Variants in GALNT18 observed in about 807,000 individuals in gnomAD.
The protein encoded by GALNT18 is polypeptide N-acetylgalactosaminyltransferase 18, also known as GalNAc-transferase 18.
A neutral mutation model predicts 69.5 loss-of-function variants in GALNT18; 44 were observed. That is an observed-to-expected ratio of 0.63 (90% confidence interval 0.50 to 0.81). The LOEUF is 0.81. GALNT18 is among the 40% of genes least tolerant of loss of function. The pLI is 0.00. For synonymous variants in GALNT18, 364 were observed against 318.2 expected (o/e 1.14, Z -1.53); for missense variants, 715 against 810.0 (o/e 0.88, Z 1.42).
In GALNT18 at chr11:11,356,679, G is replaced by T. The variant is rs1850535185; in HGVS notation, c.1093-15675C>A. ...TGACTCCCCAAATCCTTCATCAATT[G>T]TTACCTCGTTTGTGCATGTTATTAA... is the stretch of plus-strand genomic sequence containing the variant. On this transcript the variant is annotated intron_variant, in intron 6 of 10. Transcript: ENST00000227756. This position sits in a 1 kb window ranked among gnomAD's most constrained non-coding sequence, Gnocchi z 4.4. Among the ~76,000 whole-genome samples, 1 of 151,968 alleles carries T rather than the reference G, an allele frequency of 6.6e-6. No individual in the cohort carries two copies. Among genetic ancestry groups the T allele is most frequent in the Non-Finnish European group, 1.5e-5 (1 of 68,000 alleles).
In GALNT18 at chr11:11,573,178, G is replaced by C. The variant is rs541647860; in HGVS notation, c.235+48181C>G. Among the ~76,000 whole-genome samples, 21 of 152,304 alleles carry C rather than the reference G, an allele frequency of 1.4e-4. No individual in the cohort carries two copies. In the South Asian group the frequency reaches 1.9e-3, roughly 14 times the overall value. On this transcript the variant is annotated intron_variant, in intron 1 of 10. Transcript: ENST00000227756. This position sits in a 1 kb window ranked among gnomAD's most constrained non-coding sequence, Gnocchi z 4.6. Reference sequence around the variant, plus strand: ...CTGAACTACAGCGCCCCTCCAGAGAGCATGTTCATGTTCATTATGGTGGGC... The same window carrying C: ...CTGAACTACAGCGCCCCTCCAGAGACCATGTTCATGTTCATTATGGTGGGC...
At chr11:11,558,312 C>T (rs752483712) in intron 1 of GALNT18, among the ~76,000 whole-genome samples, 2 of 152,100 alleles carry the variant, frequency 1.3e-5, no homozygotes, top group African/African-American at 2.4e-5. Context: ...AGAGAAAAGG[C>T]AATACCTTGT....
At chr11:11,533,081 C>T (rs192377051) in intron 1 of GALNT18, among the ~76,000 whole-genome samples, 15 of 152,212 alleles carry the variant, frequency 9.9e-5, no homozygotes, top group Middle Eastern at 3.4e-3. Flanking sequence ...GCCCTGCCCA[C>T]CCCCATCCAT....
chr11:11,388,584 C>T (rs1854107236), intron 3 of GALNT18, among the ~76,000 whole-genome samples: 2 of 112,088 alleles, frequency 1.8e-5, no homozygotes, highest in Admixed American at 1.9e-4. Context: ...TTTCAGGCTA[C>T]CAGCCTGACG....
rs965862807 is a variant in GALNT18 at position 11,469,390 on chromosome 11, G to A, written c.236-20454C>T. 3.3e-5 allele frequency among the ~76,000 whole-genome samples: 5 copies of A among 152,166 alleles called. No homozygotes were observed. The highest frequency in any genetic ancestry group is 1.5e-5 in the Non-Finnish European group (1 of 68,024). The stretch of plus-strand genomic sequence containing the variant: ...ATAGACAGTCCTCGTCAAGTTTGTT[G>A]TTATGGCTATGTCTTTTACAGGGTC... On this transcript the variant is annotated intron_variant, in intron 1 of 10. Transcript: ENST00000227756. The surrounding 1 kb of genome is among the most constrained non-coding windows in gnomAD (Gnocchi z 4.2).
rs1424116791 is a variant in GALNT18, at chr11:11,461,410, T to C, written c.236-12474A>G. Among the ~76,000 whole-genome samples, 1 of 152,200 alleles carries C rather than the reference T, an allele frequency of 6.6e-6. No individual in the cohort carries two copies. The highest frequency in any genetic ancestry group is 2.4e-5 in the African/African-American group (1 of 41,444). On this transcript the variant is annotated intron_variant, in intron 1 of 10. Transcript: ENST00000227756. This position sits in a 1 kb window ranked among gnomAD's most constrained non-coding sequence, Gnocchi z 4.1. ...CCATGCCAACTATATAAAGTACATG[T>C]GAAAAAACTCATTTTAGAGAGTGAC...
At position 11,621,868 on chromosome 11, in the gene GALNT18, G is replaced by A. The variant is rs187865428; in HGVS notation, c.-275C>T. 130 of 361,546 alleles carry A rather than the reference G, an allele frequency of 3.6e-4. 1 individual carries two copies. The highest frequency in any genetic ancestry group is 2.5e-3 in the African/African-American group (121 of 47,898). The allele number at this position is 361,546 out of a possible 1,614,324, so 22.4% of individuals were successfully genotyped here. ...CCTGAACCCTTCCTAGAGGGGTCAC[G>A]GGTAGCCGGCAGCCGCGCGTCCAGA... On this transcript the variant is annotated 5_prime_UTR_variant, in exon 1 of 11. Transcript: ENST00000227756. This position sits in a 1 kb window ranked among gnomAD's most constrained non-coding sequence, Gnocchi z 9.3.
chr11:11,500,769 G>A lies in GALNT18; in HGVS notation c.236-51833C>T, dbSNP rs1484161764. Among the ~76,000 whole-genome samples the A allele has an allele frequency of 2.0e-5, 3 of 152,206 alleles. No homozygotes were observed. The East Asian group carries it at 5.8e-4, about 29-fold the overall frequency. On this transcript the variant is annotated intron_variant, in intron 1 of 10. Coordinates refer to ENST00000227756, the MANE Select transcript of GALNT18 (RefSeq NM_198516.3). The surrounding 1 kb of genome is among the most constrained non-coding windows in gnomAD (Gnocchi z 5.0). ...TGAATTGCCTCAGGTAAGGAGTCAA[G>A]GATCTCCTTTTCATGTATTTTCTGT...
intron 1 of GALNT18, among the ~76,000 whole-genome samples, chr11:11,560,833 G>A (rs1858487551): frequency 6.6e-6 from 1 of 152,186 alleles, no homozygotes; most frequent in South Asian, 2.1e-4. Context: ...CCTTTTTGAG[G>A]AATCGCTCTT....
At chr11:11,400,692 C>A (rs1854441917) in intron 3 of GALNT18, among the ~76,000 whole-genome samples, 1 of 152,142 alleles carries the variant, frequency 6.6e-6, no homozygotes, top group African/African-American at 2.4e-5. Flanking sequence ...CAAAGGAGTT[C>A]TCTAGGATTC....
rs1307380139 is a variant in GALNT18, at chr11:11,596,265, T to A, written c.235+25094A>T. On this transcript the variant is annotated intron_variant, in intron 1 of 10. Coordinates refer to ENST00000227756, the MANE Select transcript of GALNT18 (RefSeq NM_198516.3). This position sits in a 1 kb window ranked among gnomAD's most constrained non-coding sequence, Gnocchi z 4.2. The stretch of plus-strand genomic sequence containing the variant: ...CAGTGTGTCTGTCCTCATGCCTGTA[T>A]CACACTGCCTTAATTACTGTAGCTT... Among the ~76,000 whole-genome samples the A allele has an allele frequency of 3.3e-5, 5 of 152,208 alleles. No individual in the cohort carries two copies. Among genetic ancestry groups the A allele is most frequent in the African/African-American group, 1.2e-4 (5 of 41,450 alleles).
chr11:11,397,454 T>A (rs1382765116), intron 3 of GALNT18, among the ~76,000 whole-genome samples: 1 of 152,146 alleles, frequency 6.6e-6, no homozygotes, highest in African/African-American at 2.4e-5. Flanking sequence ...AATTAGGACC[T>A]GGAGAACTCT....
At chr11:11,324,990 C>T (rs1483256884) in intron 9 of GALNT18, among the ~76,000 whole-genome samples, 2 of 152,206 alleles carry the variant, frequency 1.3e-5, no homozygotes, top group Middle Eastern at 3.2e-3. Flanking sequence ...TTTGATCCAG[C>T]AATCCCACTA....
chr11:11,293,519 G>C (rs1590016033), intron 9 of GALNT18, among the ~76,000 whole-genome samples: 1 of 133,756 alleles, frequency 7.5e-6, no homozygotes. Flanking sequence ...TCTTCACCCA[G>C]TTTACAAACC....
At chr11:11,567,769 A>G (rs368774714) in intron 1 of GALNT18, among the ~76,000 whole-genome samples, 57 of 152,326 alleles carry the variant, frequency 3.7e-4, no homozygotes, top group African/African-American at 1.4e-3. Context: ...TGTCTCCAAG[A>G]CTTAGGATCC....
At chr11:11,443,351 C>G (rs1855574131) in intron 2 of GALNT18, among the ~76,000 whole-genome samples, 1 of 152,216 alleles carries the variant, frequency 6.6e-6, no homozygotes, top group Admixed American at 6.5e-5. Flanking sequence ...GTCGCTTTCT[C>G]ACATCTCCAT....
At chr11:11,366,425 T>C (rs940568814) in intron 6 of GALNT18, among the ~76,000 whole-genome samples, 1 of 152,248 alleles carries the variant, frequency 6.6e-6, no homozygotes, top group South Asian at 2.1e-4. Context: ...GATATGCTTG[T>C]ATAGAGAACT....
At chr11:11,451,696 T>C (rs116492677) in intron 1 of GALNT18, among the ~76,000 whole-genome samples, 89 of 152,362 alleles carry the variant, frequency 5.8e-4, no homozygotes, top group African/African-American at 2.1e-3. Context: ...CCTGCTGGAC[T>C]GCCAGCTCCT....
chr11:11,284,908 G>GTTTTTTTTTTTTTT (rs58795517), intron 10 of GALNT18, among the ~76,000 whole-genome samples: 22 of 82,820 alleles, frequency 2.7e-4, no homozygotes, highest in South Asian at 1.3e-3. Context: ...AGACTTTCGT[G>GTTTTTTTTTTTTTT]TTTTTTTTTT....
Sources: gnomAD v4.1 joint callset for allele counts (sites outside exome capture counted in the v4.1 genomes callset) on GRCh38, gnomAD v4.1.1 for gene constraint, Gnocchi (gnomAD v3.1) non-coding constraint, MANE v1.5 for transcripts, NCBI Gene and HGNC (gene_info 2026-07-23, HGNC 2026-07-21) for gene names.